NEK1: variants seen among roughly 807,000 people sequenced by gnomAD.
NEK1 encodes NIMA related kinase 1, also known as serine/threonine-protein kinase Nek1.
In NEK1, 137 loss-of-function variants were observed where a neutral mutation model predicts 182.1. The observed-to-expected ratio is 0.75, with a 90% CI of 0.65 to 0.87. The LOEUF is 0.87. Ranked by LOEUF, NEK1 falls within the 40% of genes least tolerant of loss-of-function variation. The pLI, the probability that NEK1 is intolerant of heterozygous loss-of-function variation, is 0.00. For synonymous variants in NEK1, 513 were observed against 492.2 expected (o/e 1.04, Z -0.56); for missense variants, 1,391 against 1,494.4 (o/e 0.93, Z 1.14).
intron 12 of NEK1, among the ~76,000 whole-genome samples, chr4:169,569,921 G>A (rs1315929718): frequency 6.6e-6 from 1 of 152,102 alleles, no homozygotes; most frequent in African/African-American, 2.4e-5. Context: ...CACCCCGTCT[G>A]GGAAGTGAGG....
At chr4:169,396,302 G>T (rs1187417928) in intron 35 of NEK1, among the ~76,000 whole-genome samples, 1 of 134,470 alleles carries the variant, frequency 7.4e-6, no homozygotes, top group Non-Finnish European at 1.5e-5. Flanking sequence ...GGAGGCAGAG[G>T]TTGCAGTGAG....
chr4:169,437,368 G>GT (rs1336676213), intron 28 of NEK1, among the ~76,000 whole-genome samples: 1 of 152,196 alleles, frequency 6.6e-6, no homozygotes, highest in Non-Finnish European at 1.5e-5. Flanking sequence ...TTCAGAAGGT[G>GT]TGAGTGTATT....
At chr4:169,508,977 G>C (rs1351093484) in intron 19 of NEK1, 125 bp from the exon 20 acceptor site, 1 of 691,934 alleles carries the variant, frequency 1.4e-6, no homozygotes, top group Non-Finnish European at 2.3e-6. Flanking sequence ...ATGATAAACT[G>C]TGATAACAAA....
chr4:169,427,307 T>TA (rs1289715236), intron 29 of NEK1, among the ~76,000 whole-genome samples: 4 of 151,964 alleles, frequency 2.6e-5, no homozygotes, highest in Admixed American at 2.0e-4. Flanking sequence ...TTTATATTTT[T>TA]AGTAGAGACA....
chr4:169,490,234 A>T (rs1035050351), intron 23 of NEK1, among the ~76,000 whole-genome samples: 5 of 152,114 alleles, frequency 3.3e-5, no homozygotes, highest in African/African-American at 1.2e-4. Flanking sequence ...GCCTACCTGG[A>T]ACCAGAGGCA....
intron 35 of NEK1, among the ~76,000 whole-genome samples, chr4:169,395,991 T>C (rs1730620379): frequency 6.6e-6 from 1 of 152,198 alleles, no homozygotes; most frequent in Non-Finnish European, 1.5e-5. Context: ...TTTTAGCCGA[T>C]GTATACAATT....
chr4:169,596,062 G>C (rs1769437997), intron 5 of NEK1, among the ~76,000 whole-genome samples: 1 of 152,042 alleles, frequency 6.6e-6, no homozygotes, highest in Admixed American at 6.6e-5. Flanking sequence ...CAGGGACCTT[G>C]GCATATTTGG....
intron 18 of NEK1, 85 bp downstream of exon 18, chr4:169,555,635 A>G: frequency 6.5e-7 from 1 of 1,542,294 alleles, no homozygotes; most frequent in South Asian, 1.1e-5. Context: ...TGGAGAAAAC[A>G]TCCACAAAGT....
At chr4:169,610,202 A>C (rs1276111681) in intron 2 of NEK1, among the ~76,000 whole-genome samples, 1 of 152,096 alleles carries the variant, frequency 6.6e-6, no homozygotes, top group Admixed American at 6.5e-5. Context: ...GGGTTTCGCC[A>C]TACTGGCCAG....
chr4:169,549,314 T>A (rs1388564554), intron 18 of NEK1, among the ~76,000 whole-genome samples: 1 of 152,178 alleles, frequency 6.6e-6, no homozygotes, highest in African/African-American at 2.4e-5. Context: ...TCCAATGAGA[T>A]GAACTGGGTA....
At position 169,588,754 on chromosome 4, in the gene NEK1, T is replaced by C. The variant is rs370071097; in HGVS notation, c.465-19A>G. ...TACAGTACTAGAAGAAAAATAAAAT[T>C]ATTGGAGAAGTTAAAGACACAGTCA... On this transcript the variant is annotated intron_variant, in intron 7 of 35. Transcript: ENST00000507142. The C allele has an allele frequency of 1.2e-5, 17 of 1,461,296 alleles. No homozygotes were observed. Among genetic ancestry groups the C allele is most frequent in the Non-Finnish European group, 1.5e-5 (16 of 1,064,882 alleles). The allele number at this position is 1,461,296 out of a possible 1,614,324, so 90.5% of individuals were successfully genotyped here.
At chr4:169,564,139 C>A (rs777823371) in intron 12 of NEK1, among the ~76,000 whole-genome samples, 3 of 151,894 alleles carry the variant, frequency 2.0e-5, no homozygotes, top group Non-Finnish European at 4.4e-5. Flanking sequence ...ATTCTATATA[C>A]CAAAAAAGAT....
intron 12 of NEK1, among the ~76,000 whole-genome samples, chr4:169,574,316 C>T (rs112992795): frequency 2.0e-5 from 3 of 152,036 alleles, no homozygotes; most frequent in South Asian, 2.1e-4. Context: ...CAAGGGTTGG[C>T]GGGGCGTGGT....
At chr4:169,568,604 C>G (rs1484422889) in intron 12 of NEK1, among the ~76,000 whole-genome samples, 1 of 152,090 alleles carries the variant, frequency 6.6e-6, no homozygotes, top group Non-Finnish European at 1.5e-5. Context: ...TATAAACTTT[C>G]TGAGCTATAT....
intron 12 of NEK1, among the ~76,000 whole-genome samples, chr4:169,569,408 TAAG>T (rs1764251358): frequency 6.6e-6 from 1 of 151,726 alleles, no homozygotes; most frequent in East Asian, 1.9e-4. Flanking sequence ...TTTTAAACAT[TAAG>T]AATAAAAGCT....
intron 2 of NEK1, among the ~76,000 whole-genome samples, chr4:169,606,871 G>T (rs913329188): frequency 6.6e-6 from 1 of 152,188 alleles, no homozygotes; most frequent in African/African-American, 2.4e-5. Context: ...TCACCGAAAG[G>T]TGGAAACATA....
At chr4:169,471,555 C>T (rs529807240) in intron 26 of NEK1, among the ~76,000 whole-genome samples, 2 of 152,288 alleles carry the variant, frequency 1.3e-5, no homozygotes, top group South Asian at 4.1e-4. Context: ...TTTGAGGTGT[C>T]TGTCGTCCCC....
chr4:169,501,775 T>C (rs1201661734), intron 23 of NEK1, among the ~76,000 whole-genome samples: 1 of 152,080 alleles, frequency 6.6e-6, no homozygotes, highest in African/African-American at 2.4e-5. Flanking sequence ...GTTTACAGCA[T>C]TAAATGCTTA....
Position 169,422,645 on chromosome 4 carries a change from A to G in NEK1, c.3222+1908T>C, listed in dbSNP as rs539368893. Among the ~76,000 whole-genome samples the G allele has an allele frequency of 1.1e-3, 170 of 152,356 alleles. 1 individual carries two copies. The highest frequency in any genetic ancestry group is 3.8e-3 in the African/African-American group (157 of 41,580). On this transcript the variant is annotated intron_variant, in intron 31 of 35. Transcript: ENST00000507142. ...TTTTGTGTTCTTTTCCTAAATGGCT[A>G]CAGACTGCTTTGATTTTCTAGTGTT...
Sources: allele counts gnomAD v4.1 joint callset (sites outside exome capture counted in the v4.1 genomes callset), GRCh38; gene constraint gnomAD v4.1.1; transcripts MANE v1.5; gene names NCBI Gene and HGNC (gene_info 2026-07-23, HGNC 2026-07-21).